TRPV5: variants seen among roughly 807,000 people sequenced by gnomAD.
TRPV5 encodes calcium transport protein 2.
A neutral mutation model predicts 74.1 loss-of-function variants in TRPV5; 66 were observed. The ratio of observed to expected loss-of-function variants is 0.89; its 90% CI spans 0.73 to 1.09. TRPV5 has a LOEUF of 1.09. TRPV5 is among the 50% of genes least tolerant of loss of function. TRPV5 has a pLI of 0.00. For synonymous variants in TRPV5, 399 were observed against 360.7 expected (o/e 1.11, Z -1.20); for missense variants, 936 against 930.4 (o/e 1.01, Z -0.08).
In TRPV5 at chr7:142,923,692, T is replaced by C. The variant is rs533931883; in HGVS notation, c.1122+1837A>G. Among the ~76,000 whole-genome samples the C allele has an allele frequency of 1.4e-4, 21 of 152,206 alleles. No homozygotes were observed. The East Asian group carries it at 3.7e-3, about 27-fold the overall frequency. Reference sequence around the variant, plus strand: ...GAAGAGAGAAAGAAAGAAGGATGGGTCAGGTGTTCAGCTATAATTATGCTT... The same window carrying C: ...GAAGAGAGAAAGAAAGAAGGATGGGCCAGGTGTTCAGCTATAATTATGCTT... On this transcript the variant is annotated intron_variant, in intron 8 of 14. Coordinates refer to ENST00000265310, the MANE Select transcript of TRPV5 (RefSeq NM_019841.7).
chr7:142,911,270 T>C (rs1289365126), intron 13 of TRPV5, among the ~76,000 whole-genome samples: 1 of 152,208 alleles, frequency 6.6e-6, no homozygotes, highest in Non-Finnish European at 1.5e-5. Context: ...TGGATCTGCA[T>C]TCTGGCCAGA....
rs202171798 is a variant in TRPV5, at chr7:142,925,616, C to A, written c.1035G>T (p.Thr345=). The part of the protein sequence containing the change: ...LYLLYMICFT[T]CCVYRPLKFR... ...ACTTAAGGGGGCGGTAGACGCAGCACGTAGTAAAGCAGATCATGTAGAGCA... is the reference window on the plus strand; with the variant it reads ...ACTTAAGGGGGCGGTAGACGCAGCAAGTAGTAAAGCAGATCATGTAGAGCA... The change falls in exon 8 of 15, where the codon ACG becomes ACT. Residue 345 remains threonine, a synonymous_variant. Coordinates refer to ENST00000265310, the MANE Select transcript of TRPV5 (RefSeq NM_019841.7). The A allele has an allele frequency of 3.1e-6, 5 of 1,614,004 alleles. No homozygotes were observed. Among genetic ancestry groups the A allele is most frequent in the African/African-American group, 1.3e-5 (1 of 74,886 alleles).
chr7:142,927,340 T>A (rs1342477313), intron 7 of TRPV5, among the ~76,000 whole-genome samples: 1 of 152,236 alleles, frequency 6.6e-6, no homozygotes, highest in Admixed American at 6.5e-5. Context: ...GGAACTGTGT[T>A]GTATTTATTT....
Position 142,915,048 on chromosome 7 carries a change from T to C in TRPV5, c.1287-2A>G. On this transcript the variant is annotated splice_acceptor_variant, in intron 10 of 14. Transcript: ENST00000265310. LOFTEE classifies it high-confidence loss of function. ...AGCACCAGGGAGGCATAGGTGATGC[T>C]GGGGGAGCAGAAAGCAGAGAGTGAG... 2 of 1,613,386 alleles carry C rather than the reference T, an allele frequency of 1.2e-6. No homozygotes were observed. Among genetic ancestry groups the C allele is most frequent in the South Asian group, 1.1e-5 (1 of 90,966 alleles).
rs1339467286 is a variant in TRPV5, at chr7:142,925,509, C to A, written c.1122+20G>T. 20 of 1,612,886 alleles carry A rather than the reference C, an allele frequency of 1.2e-5. No individual in the cohort carries two copies. The highest frequency in any genetic ancestry group is 2.2e-5 in the East Asian group (1 of 44,878). Reference sequence around the variant, plus strand: ...ACCCCTTGATGCAATTCTCTCTCATCCCCTTCTGAGGAGAATCACCTGTAG... The same window carrying A: ...ACCCCTTGATGCAATTCTCTCTCATACCCTTCTGAGGAGAATCACCTGTAG... On this transcript the variant is annotated intron_variant, in intron 8 of 14. Coordinates refer to ENST00000265310, the MANE Select transcript of TRPV5 (RefSeq NM_019841.7).
At chr7:142,924,355 C>T (rs1249836159) in intron 8 of TRPV5, among the ~76,000 whole-genome samples, 3 of 20,556 alleles carry the variant, frequency 1.5e-4, no homozygotes, top group African/African-American at 2.5e-4. Flanking sequence ...TATATATAGA[C>T]ATATACATGT....
chr7:142,932,355 G>A (rs1331957466), intron 1 of TRPV5, among the ~76,000 whole-genome samples: 1 of 152,168 alleles, frequency 6.6e-6, no homozygotes, highest in Non-Finnish European at 1.5e-5. Context: ...TGGAGGTATT[G>A]GGTGGGGAGA....
At chr7:142,909,635 A>G (rs746758868) in intron 13 of TRPV5, 39 bp from the exon 14 acceptor site, 12 of 1,603,010 alleles carry the variant, frequency 7.5e-6, no homozygotes, top group Middle Eastern at 1.7e-4. Context: ...ACTCTGAAAG[A>G]GCCATGAGGT....
chr7:142,913,477 G>A (rs1305764341), intron 12 of TRPV5, among the ~76,000 whole-genome samples: 1 of 152,206 alleles, frequency 6.6e-6, no homozygotes, highest in Non-Finnish European at 1.5e-5. Flanking sequence ...CATTTAGAGA[G>A]TTCTGGATAG....
intron 1 of TRPV5, among the ~76,000 whole-genome samples, chr7:142,931,569 C>T (rs1270675170): frequency 2.0e-5 from 3 of 152,132 alleles, no homozygotes; most frequent in African/African-American, 7.2e-5. Flanking sequence ...GTGTATTGGC[C>T]CCAAAGGCAA....
chr7:142,908,764 T>C lies in TRPV5; in HGVS notation c.1940A>G (p.Tyr647Cys), dbSNP rs1277548191. Residue 647 changes from tyrosine to cysteine, a missense_variant, in exon 15 of 15, where the codon TAT (tyrosine) becomes TGT (cysteine). Tyr to Cys is a radical substitution (Grantham distance 194). Coordinates refer to ENST00000265310, the MANE Select transcript of TRPV5 (RefSeq NM_019841.7). ...GTCTGAGTTCTTGAACACTTCCACA[T>C]AGCGAAGCACTCGCAGAGGATTCTG... ...NDQNPLRVLR[Y>C]VEVFKNSDKE... The C allele has an allele frequency of 1.9e-6, 3 of 1,613,812 alleles. No homozygotes were observed. The highest frequency in any genetic ancestry group is 1.3e-5 in the African/African-American group (1 of 75,028).
rs143179476 is a variant in TRPV5, at chr7:142,924,565, T to C, written c.1122+964A>G. Among the ~76,000 whole-genome samples the C allele has an allele frequency of 3.9e-3, 594 of 151,836 alleles. 3 individuals are homozygous for C. Among genetic ancestry groups the C allele is most frequent in the African/African-American group, 0.014 (579 of 41,364 alleles). On this transcript the variant is annotated intron_variant, in intron 8 of 14. Coordinates refer to ENST00000265310, the MANE Select transcript of TRPV5 (RefSeq NM_019841.7). ...TCTTGGCTATAGAAAGTTTATATTC[T>C]CTTTCCGACTGAAACTACCCTGCTT...
In TRPV5 at chr7:142,929,532, T is replaced by C. The variant is rs1311967795; in HGVS notation, c.383A>G (p.Gln128Arg). 1.9e-6 allele frequency: 3 copies of C among 1,614,028 alleles called. No individual in the cohort carries two copies. The highest frequency in any genetic ancestry group is 2.5e-6 in the Non-Finnish European group (3 of 1,180,012). ...CAGGGCACGCACCAGGTTCACATTC[T>C]GGTTCACAACAGCGATGTGCAGTGC... The part of the protein sequence containing the change: ...QTALHIAVVN[Q>R]NVNLVRALLT... The change falls in exon 4 of 15, where the codon CAG becomes CGG. Residue 128 changes from glutamine (Q) to arginine (R), a missense_variant. Gln to Arg is a conservative substitution (Grantham distance 43). Coordinates refer to ENST00000265310, the MANE Select transcript of TRPV5 (RefSeq NM_019841.7).
intron 8 of TRPV5, among the ~76,000 whole-genome samples, chr7:142,921,849 T>A (rs1024944828): frequency 6.6e-6 from 1 of 152,214 alleles, no homozygotes; most frequent in African/African-American, 2.4e-5. Context: ...TGTGCTCTAG[T>A]GAATCTTCTT....
intron 5 of TRPV5, 31 bp downstream of exon 5, chr7:142,928,991 T>C (rs773818008): frequency 9.0e-5 from 145 of 1,613,306 alleles, no homozygotes; most frequent in Non-Finnish European, 1.2e-4. Flanking sequence ...CCCCACAGCA[T>C]CCCAGCTCCC....
chr7:142,916,058 C>G (rs776470467), intron 8 of TRPV5, among the ~76,000 whole-genome samples: 1 of 152,214 alleles, frequency 6.6e-6, no homozygotes, highest in South Asian at 2.1e-4. Flanking sequence ...AGACCTTGAA[C>G]CATTCATGGA....
In TRPV5 at chr7:142,913,798, G is replaced by A. The variant is rs4252493; in HGVS notation, c.1519+842C>T. ...GAGTCATTGCTTTTTAGAGATGGGGGGATCCTTCTAGTGCCTCTTCTTGTC... is the reference window on the plus strand; with the variant it reads ...GAGTCATTGCTTTTTAGAGATGGGGAGATCCTTCTAGTGCCTCTTCTTGTC... On this transcript the variant is annotated intron_variant, in intron 12 of 14. Coordinates refer to ENST00000265310, the MANE Select transcript of TRPV5 (RefSeq NM_019841.7). Among the ~76,000 whole-genome samples, 626 of 152,240 alleles carry A rather than the reference G, an allele frequency of 4.1e-3. 4 individuals are homozygous for A. The highest frequency in any genetic ancestry group is 0.014 in the African/African-American group (588 of 41,516).
chr7:142,915,698 C>T (rs1333949368), intron 8 of TRPV5, 130 bp from the exon 9 acceptor site: 1 of 804,244 alleles, frequency 1.2e-6, no homozygotes, highest in African/African-American at 1.7e-5. Context: ...TCACCCCACC[C>T]CCATTGTACT....
At chr7:142,922,743 T>A (rs1439791495) in intron 8 of TRPV5, among the ~76,000 whole-genome samples, 2 of 152,214 alleles carry the variant, frequency 1.3e-5, no homozygotes, top group East Asian at 3.9e-4. Context: ...TTTACTCACC[T>A]GGAAACCTAA....
Sources: allele counts gnomAD v4.1 joint callset (sites outside exome capture counted in the v4.1 genomes callset), GRCh38; gene constraint gnomAD v4.1.1; transcripts MANE v1.5; gene names NCBI Gene and HGNC (gene_info 2026-07-23, HGNC 2026-07-21).